The following ITGA9 variants were observed in gnomAD, a reference collection of about 807,000 sequenced individuals.
ITGA9 encodes the protein integrin alpha-9.
ITGA9 carries 56 observed loss-of-function variants against 127.8 expected under a neutral mutation model. The observed-to-expected ratio is 0.44, with a 90% CI of 0.35 to 0.55. ITGA9 has a LOEUF of 0.55. Ranked by LOEUF, ITGA9 falls within the 20% of genes least tolerant of loss-of-function variation. The probability of loss-of-function intolerance (pLI) is 0.00; values close to 1 mark genes in which losing one functional copy is unlikely to be tolerated. For synonymous variants in ITGA9, 508 were observed against 514.5 expected (o/e 0.99, Z 0.17); for missense variants, 1,196 against 1,347.1 (o/e 0.89, Z 1.76).
At chr3:37,812,536 T>C (rs1336109213) in intron 27 of ITGA9, among the ~76,000 whole-genome samples, 4 of 152,242 alleles carry the variant, frequency 2.6e-5, no homozygotes, top group Admixed American at 2.6e-4. Context: ...GTAAGGCTGT[T>C]TGGGGCAATC....
At chr3:37,539,397 G>T (rs951490207) in intron 14 of ITGA9, among the ~76,000 whole-genome samples, 4 of 152,214 alleles carry the variant, frequency 2.6e-5, no homozygotes, top group Non-Finnish European at 4.4e-5. Context: ...AGAATGGAGA[G>T]AGAAAGAAAT....
chr3:37,715,278 CATT>C (rs1311681345), intron 18 of ITGA9, among the ~76,000 whole-genome samples: 3 of 152,134 alleles, frequency 2.0e-5, no homozygotes, highest in African/African-American at 4.8e-5. Flanking sequence ...CAGAGTAACT[CATT>C]ATATCATTCC....
At chr3:37,733,461 C>T (rs1435855045) in intron 19 of ITGA9, among the ~76,000 whole-genome samples, 3 of 139,010 alleles carry the variant, frequency 2.2e-5, no homozygotes, top group African/African-American at 8.5e-5. Context: ...CCAAGTCTGC[C>T]TTTGGAAATG....
At chr3:37,512,124 CTTTTCTTTTCTTTTCTTTTCT>C (rs1230280336) in intron 8 of ITGA9, among the ~76,000 whole-genome samples, 9 of 15,332 alleles carry the variant, frequency 5.9e-4, no homozygotes, top group East Asian at 2.3e-3. Flanking sequence ...TTCCTTCTTT[CTTTTCTTTTCTTTTCTTTTCT>C]TTTCTTTTCT....
intron 20 of ITGA9, among the ~76,000 whole-genome samples, chr3:37,738,704 C>T (rs563304170): frequency 1.3e-5 from 2 of 152,256 alleles, no homozygotes; most frequent in East Asian, 3.9e-4. Context: ...TTGGGCAGAC[C>T]CATCAATGTG....
At chr3:37,483,254 G>A (rs952676404) in intron 4 of ITGA9, among the ~76,000 whole-genome samples, 3 of 152,120 alleles carry the variant, frequency 2.0e-5, no homozygotes, top group Non-Finnish European at 4.4e-5. Flanking sequence ...ACAGCCCTCT[G>A]AAGAGGGAGG....
chr3:37,635,591 A>AT (rs1553653177), intron 16 of ITGA9, among the ~76,000 whole-genome samples: 1 of 125,906 alleles, frequency 7.9e-6, no homozygotes, highest in Non-Finnish European at 1.7e-5. Context: ...ATTTTATTTT[A>AT]TTTTTTTCCT....
intron 18 of ITGA9, among the ~76,000 whole-genome samples, chr3:37,719,077 G>A (rs1229955365): frequency 6.6e-6 from 1 of 152,152 alleles, no homozygotes; most frequent in Non-Finnish European, 1.5e-5. Context: ...GTGTCATATT[G>A]GGATTCATCT....
intron 17 of ITGA9, among the ~76,000 whole-genome samples, chr3:37,658,302 A>G (rs1161719616): frequency 6.6e-6 from 1 of 152,148 alleles, no homozygotes; most frequent in East Asian, 1.9e-4. Flanking sequence ...GTCTCCCACT[A>G]TTATTGTGTG....
At chr3:37,453,329 T>G (rs368752712) in intron 1 of ITGA9, among the ~76,000 whole-genome samples, 25 of 152,318 alleles carry the variant, frequency 1.6e-4, no homozygotes, top group African/African-American at 6.0e-4. Flanking sequence ...CGTGTTTCTA[T>G]AGTGGCCAAG....
At chr3:37,460,516 A>G (rs1698304912) in intron 1 of ITGA9, among the ~76,000 whole-genome samples, 2 of 151,694 alleles carry the variant, frequency 1.3e-5, no homozygotes, top group Admixed American at 6.6e-5. Context: ...TGCTGTGGTT[A>G]TTACATATTA....
intron 26 of ITGA9, among the ~76,000 whole-genome samples, chr3:37,786,524 C>T (rs1697042593): frequency 6.6e-6 from 1 of 151,970 alleles, no homozygotes; most frequent in East Asian, 1.9e-4. Context: ...AACCCGGAGG[C>T]GGAGGTTGCA....
intron 15 of ITGA9, among the ~76,000 whole-genome samples, chr3:37,624,211 T>C (rs1475424334): frequency 6.9e-6 from 1 of 145,168 alleles, no homozygotes; most frequent in Non-Finnish European, 1.5e-5. Flanking sequence ...TTTTTTTTTT[T>C]TTTTTTTTTT....
intron 17 of ITGA9, among the ~76,000 whole-genome samples, chr3:37,665,829 A>G (rs555545263): frequency 3.3e-5 from 5 of 152,276 alleles, no homozygotes; most frequent in African/African-American, 9.6e-5. Flanking sequence ...ATGAATGGAC[A>G]TGTGGGTGTC....
rs1303528928 is a variant in ITGA9, at chr3:37,590,109, C to T, written c.1690-39078C>T. 2.0e-5 allele frequency among the ~76,000 whole-genome samples: 3 copies of T among 152,168 alleles called. No individual in the cohort carries two copies. In the East Asian group the frequency reaches 5.8e-4, roughly 29 times the overall value. On this transcript the variant is annotated intron_variant, in intron 15 of 27. Transcript: ENST00000264741. ...GGATGTGATGCATAGTATTCTGGAG[C>T]TCCTTTTTAAAAAGGAGTTACATTG...
intron 13 of ITGA9, among the ~76,000 whole-genome samples, chr3:37,530,298 T>C (rs1290801413): frequency 6.6e-6 from 1 of 152,140 alleles, no homozygotes; most frequent in African/African-American, 2.4e-5. Context: ...AGATTTTGAG[T>C]TACTTTAGGT....
At chr3:37,689,683 C>T (rs1002183474) in intron 18 of ITGA9, among the ~76,000 whole-genome samples, 2 of 152,222 alleles carry the variant, frequency 1.3e-5, no homozygotes, top group Admixed American at 6.5e-5. Context: ...TCCATGTAAA[C>T]GACACCTCCA....
At chr3:37,477,447 A>G (rs1698505324) in intron 3 of ITGA9, among the ~76,000 whole-genome samples, 1 of 152,228 alleles carries the variant, frequency 6.6e-6, no homozygotes, top group African/African-American at 2.4e-5. Flanking sequence ...TCTGGCAAGG[A>G]CCAGATTGTC....
intron 4 of ITGA9, among the ~76,000 whole-genome samples, chr3:37,491,082 T>C (rs2125563797): frequency 6.8e-6 from 1 of 148,058 alleles, no homozygotes; most frequent in East Asian, 2.1e-4. Context: ...ACTCAAGCCA[T>C]CCTCCCACCT....
Sources: gnomAD v4.1 joint callset for allele counts (sites outside exome capture counted in the v4.1 genomes callset) on GRCh38, gnomAD v4.1.1 for gene constraint, MANE v1.5 for transcripts, NCBI Gene and HGNC (gene_info 2026-07-23, HGNC 2026-07-21) for gene names.